ARID4A: variants seen among roughly 807,000 people sequenced by gnomAD.
ARID4A encodes AT-rich interaction domain 4A.
Under a neutral mutation model 148.6 loss-of-function variants are expected in ARID4A, and 39 were observed. The observed-to-expected ratio is 0.26, with a 90% CI of 0.20 to 0.34. The LOEUF (loss-of-function observed/expected upper bound fraction) is 0.34, where lower values mean the gene tolerates loss of function less well. Among genes scored for constraint, ARID4A ranks in the 10% least tolerant of loss-of-function variants. The pLI is 1.00. For synonymous variants in ARID4A, 475 were observed against 481.2 expected, an observed-to-expected ratio of 0.99 and a Z score of 0.17; for missense variants, 1,265 against 1,449.1, an observed-to-expected ratio of 0.87 and a Z score of 2.06.
At chr14:58,316,093 A>C (rs1646725049) in intron 5 of ARID4A, among the ~76,000 whole-genome samples, 1 of 152,232 alleles carries the variant, frequency 6.6e-6, no homozygotes, top group African/African-American at 2.4e-5. Context: ...TTTGAAGGCA[A>C]AGTGTTTGCT....
chr14:58,328,385 C>G, intron 9 of ARID4A, 69 bp downstream of exon 9: 5 of 1,005,886 alleles, frequency 5.0e-6, no homozygotes, highest in Non-Finnish European at 7.6e-6. Flanking sequence ...TGATAGACAC[C>G]TCCCCCACCA....
In ARID4A at chr14:58,366,336, A is replaced by G. The variant is rs371466664; in HGVS notation, c.3523+106A>G. The G allele has an allele frequency of 1.3e-5, 12 of 892,062 alleles. 1 individual carries two copies. Among genetic ancestry groups the G allele is most frequent in the Admixed American group, 5.2e-5 (2 of 38,154 alleles). 55.3% of individuals were successfully genotyped at this position (892,062 alleles called of 1,614,324 possible). On this transcript the variant is annotated intron_variant, in intron 22 of 23. Transcript: ENST00000355431. ...ATAAAATAAGGAATAATGATTAACT[A>G]TTTAGATATTCCAAATATTGCCTTA...
intron 17 of ARID4A, among the ~76,000 whole-genome samples, chr14:58,354,897 TC>T (rs2034805841): frequency 6.6e-6 from 1 of 152,178 alleles, no homozygotes. Flanking sequence ...TAGACAATGT[TC>T]CTGTTTTTTC....
At chr14:58,332,507 CA>C (rs756555691) in intron 11 of ARID4A, among the ~76,000 whole-genome samples, 19 of 152,222 alleles carry the variant, frequency 1.2e-4, no homozygotes, top group Admixed American at 6.5e-4. Context: ...AAATCAGCTG[CA>C]TTTCTTGCTC....
chr14:58,307,968 C>T lies in ARID4A; in HGVS notation c.274+1856C>T, dbSNP rs1160120011. On this transcript the variant is annotated intron_variant, in intron 5 of 23. Coordinates refer to ENST00000355431, the MANE Select transcript of ARID4A (RefSeq NM_002892.4). ...TGCATATTCAGATATTTATATTGCA[C>T]CTTATATTTTAACTCACTATAAAGG... is the stretch of plus-strand genomic sequence containing the variant. Among the ~76,000 whole-genome samples the T allele has an allele frequency of 4.6e-5, 7 of 150,604 alleles. No individual in the cohort carries two copies. The Admixed American group carries it at 4.7e-4, about 10-fold the overall frequency.
At position 58,353,830 on chromosome 14, in the gene ARID4A, G is replaced by C. The variant is rs1229186842; in HGVS notation, c.1828G>C (p.Val610Leu). The C allele has an allele frequency of 6.2e-7, 1 of 1,613,444 alleles. No homozygotes were observed. Among genetic ancestry groups the C allele is most frequent in the African/African-American group, 1.3e-5 (1 of 74,876 alleles). ...TGATGACGGAGAAGTTTTATATTTG[G>C]TACATTACTATGGATGGAATGTCAG... ...EIDDGEVLYL[V>L]HYYGWNVRYD... is the part of the protein sequence containing the mutation. Residue 610 changes from valine (V) to leucine (L), a missense_variant, in exon 17 of 24, where the codon GTA becomes CTA. Transcript: ENST00000355431.
Position 58,328,262 on chromosome 14 carries a change from A to T in ARID4A, c.608A>T (p.Asp203Val). The T allele has an allele frequency of 6.2e-7, 1 of 1,602,166 alleles. No homozygotes were observed. The highest frequency in any genetic ancestry group is 1.7e-5 in the Admixed American group (1 of 59,878). ...ALVISPSCND[D>V]ITVKKDQCLV... The stretch of plus-strand genomic sequence containing the variant: ...GTAATATCTCCCAGCTGTAATGATG[A>T]CATCACAGTGAAAAAGGATCAGTGT... The change falls in exon 9 of 24, where the codon GAC becomes GTC. Residue 203 changes from aspartate (D) to valine (V), a missense_variant. This residue lies in a region of ARID4A where 249 missense variants were observed against 277.2 expected (regional missense o/e 0.90). Transcript: ENST00000355431.
chr14:58,328,336 A>T lies in ARID4A; in HGVS notation c.662+20A>T, dbSNP rs1308488768. On this transcript the variant is annotated intron_variant, in intron 9 of 23. Transcript: ENST00000355431. The stretch of plus-strand genomic sequence containing the variant: ...TAAATTGTGAGTAATGAATCCTTTA[A>T]TGATGTTACGTGGGAGGAAAAAAAA... The T allele has an allele frequency of 2.0e-6, 3 of 1,505,222 alleles. No individual in the cohort carries two copies. The highest frequency in any genetic ancestry group is 2.8e-6 in the Non-Finnish European group (3 of 1,084,072). The allele number at this position is 1,505,222 out of a possible 1,614,324, so 93.2% of individuals were successfully genotyped here.
At chr14:58,309,032 C>A (rs1206195300) in intron 5 of ARID4A, among the ~76,000 whole-genome samples, 1 of 152,006 alleles carries the variant, frequency 6.6e-6, no homozygotes, top group African/African-American at 2.4e-5. Context: ...CATGATTAAC[C>A]AATTTTGAAA....
chr14:58,308,443 A>C (rs2031773039), intron 5 of ARID4A, among the ~76,000 whole-genome samples: 1 of 152,262 alleles, frequency 6.6e-6, no homozygotes, highest in Non-Finnish European at 1.5e-5. Context: ...AGGGAAAAAC[A>C]GATTTATTTG....
At chr14:58,301,005 C>G (rs186717492) in intron 2 of ARID4A, among the ~76,000 whole-genome samples, 6 of 152,160 alleles carry the variant, frequency 3.9e-5, no homozygotes, top group Non-Finnish European at 7.4e-5. Flanking sequence ...CTAGGTATAC[C>G]TACAAGTCTG....
chr14:58,301,237 G>A (rs946669787), intron 2 of ARID4A, among the ~76,000 whole-genome samples: 4 of 151,906 alleles, frequency 2.6e-5, no homozygotes, highest in Admixed American at 1.3e-4. Flanking sequence ...GAATAACTTA[G>A]TTTTATGATA....
Position 58,373,761 on chromosome 14 carries a change from G to A in ARID4A, c.*1772G>A, listed in dbSNP as rs1381604389. 6.1e-6 allele frequency: 1 copy of A among 164,344 alleles called. No homozygotes were observed. The highest frequency in any genetic ancestry group is 2.4e-5 in the African/African-American group (1 of 41,776). 10.2% of individuals were successfully genotyped at this position (164,344 alleles called of 1,614,324 possible). ...CTTTATACTTTTAGTTTTCATTTAA[G>A]TGATTGCTTTTTTCCTAAGTGCTTG... On this transcript the variant is annotated 3_prime_UTR_variant, in exon 24 of 24. Transcript: ENST00000355431.
At chr14:58,359,097 T>A in intron 17 of ARID4A, 35 bp from the exon 18 acceptor site, 9 of 1,545,120 alleles carry the variant, frequency 5.8e-6, no homozygotes, top group Non-Finnish European at 7.8e-6. Flanking sequence ...GTATAAAGTT[T>A]GTACAAACTC....
intron 9 of ARID4A, among the ~76,000 whole-genome samples, chr14:58,329,243 T>C (rs1375757450): frequency 6.6e-6 from 1 of 152,170 alleles, no homozygotes; most frequent in Non-Finnish European, 1.5e-5. Flanking sequence ...GAAAACATCA[T>C]GCTGATATGA....
intron 5 of ARID4A, among the ~76,000 whole-genome samples, chr14:58,314,866 C>T (rs1479513637): frequency 1.3e-5 from 2 of 152,164 alleles, no homozygotes; most frequent in African/African-American, 4.8e-5. Context: ...CACCTGTAAT[C>T]CCAGCACTTT....
intron 5 of ARID4A, among the ~76,000 whole-genome samples, chr14:58,312,857 A>G (rs967184347): frequency 6.6e-6 from 1 of 152,248 alleles, no homozygotes; most frequent in Non-Finnish European, 1.5e-5. Flanking sequence ...GGATTAGGAC[A>G]TGGTAGAAGC....
intron 21 of ARID4A, 118 bp downstream of exon 21, chr14:58,365,740 C>A: frequency 1.1e-6 from 1 of 886,132 alleles, no homozygotes; most frequent in African/African-American, 1.7e-5. Flanking sequence ...TTTCATTTAA[C>A]AGTATTATAC....
intron 11 of ARID4A, chr14:58,331,437 C>A (rs1373190843): frequency 6.6e-6 from 1 of 152,184 alleles, no homozygotes; most frequent in Non-Finnish European, 1.5e-5. Flanking sequence ...GCAAGTCAGA[C>A]TGAAAAATGT....
Sources: allele counts gnomAD v4.1 joint callset (sites outside exome capture counted in the v4.1 genomes callset), GRCh38; gene constraint gnomAD v4.1.1; regional missense constraint gnomAD v4.1.1; transcripts MANE v1.5; gene names NCBI Gene and HGNC (gene_info 2026-07-23, HGNC 2026-07-21).